Variants in SEPTIN9 observed in about 807,000 individuals in gnomAD.
The protein encoded by SEPTIN9 is septin 9.
In SEPTIN9, 13 loss-of-function variants were observed where a neutral mutation model predicts 56.6. The observed-to-expected ratio is 0.23, with a 90% CI of 0.15 to 0.37. SEPTIN9 has a LOEUF of 0.37. Among genes scored for constraint, SEPTIN9 ranks in the 10% least tolerant of loss-of-function variants. SEPTIN9 has a pLI of 1.00. For synonymous variants in SEPTIN9, 332 were observed against 334.1 expected (o/e 0.99, Z 0.07); for missense variants, 650 against 823.1 (o/e 0.79, Z 2.57).
In SEPTIN9 at chr17:77,436,524, C is replaced by T. The variant is rs1049461422; in HGVS notation, c.721+33821C>T. ...GGGGTATCCAGCAAGAGCTCCTTCCCATCCTCCCACTTCCTTTGCCATGGG... is the reference window on the plus strand; with the variant it reads ...GGGGTATCCAGCAAGAGCTCCTTCCTATCCTCCCACTTCCTTTGCCATGGG... On this transcript the variant is annotated intron_variant, in intron 3 of 11. Transcript: ENST00000427177. The surrounding 1 kb of genome is among the most constrained non-coding windows in gnomAD (Gnocchi z 4.4). 6.6e-6 allele frequency among the ~76,000 whole-genome samples: 1 copy of T among 152,238 alleles called. No homozygotes were observed. Among genetic ancestry groups the T allele is most frequent in the Non-Finnish European group, 1.5e-5 (1 of 68,042 alleles).
intron 2 of SEPTIN9, among the ~76,000 whole-genome samples, chr17:77,311,925 A>G (rs9910973): frequency 0.88 from 133,306 of 152,098 alleles, 58,488 homozygotes; most frequent in East Asian, 0.99. Flanking sequence ...ATAGCTACCC[A>G]CTCTTCCTCT....
chr17:77,496,891 C>T (rs1386427176), intron 10 of SEPTIN9, among the ~76,000 whole-genome samples: 1 of 152,226 alleles, frequency 6.6e-6, no homozygotes, highest in Non-Finnish European at 1.5e-5. Context: ...CTGCTTCATC[C>T]CATTCCCAGC....
At position 77,449,133 on chromosome 17, in the gene SEPTIN9, GTGGCCCA is replaced by G. The variant is rs2037871229; in HGVS notation, c.722-33008_722-33002del. Among the ~76,000 whole-genome samples the G allele has an allele frequency of 6.6e-6, 1 of 152,156 alleles. No individual in the cohort carries two copies. The highest frequency in any genetic ancestry group is 2.4e-5 in the African/African-American group (1 of 41,432). ...TGCTGGAAAATGTAAGGTTGCGTCT[GTGGCCCA>G]TGTGCCGTTTCTGCTGGAGGGTTGG... On this transcript the variant is annotated intron_variant, in intron 3 of 11. Coordinates refer to ENST00000427177, the MANE Select transcript of SEPTIN9 (RefSeq NM_001113491.2). The surrounding 1 kb of genome is among the most constrained non-coding windows in gnomAD (Gnocchi z 4.6).
chr17:77,412,132 A>C (rs1042295666), intron 3 of SEPTIN9, among the ~76,000 whole-genome samples: 7 of 135,236 alleles, frequency 5.2e-5, no homozygotes, highest in Non-Finnish European at 1.0e-4. Context: ...TCCCTATCAA[A>C]AAAAAAAAAA....
intron 2 of SEPTIN9, among the ~76,000 whole-genome samples, chr17:77,379,625 G>T (rs977852086): frequency 6.6e-6 from 1 of 152,070 alleles, no homozygotes; most frequent in Non-Finnish European, 1.5e-5. Flanking sequence ...TCACACTCAG[G>T]GATGAGTCTT....
chr17:77,497,197 T>TG, intron 10 of SEPTIN9, 118 bp from the exon 11 acceptor site: 1 of 1,017,426 alleles, frequency 9.8e-7, no homozygotes, highest in Admixed American at 2.0e-5. Context: ...CTCCTGCCCA[T>TG]GGGGCTGCCC....
intron 1 of SEPTIN9, among the ~76,000 whole-genome samples, chr17:77,305,623 C>G (rs1430878585): frequency 6.6e-6 from 1 of 151,868 alleles, no homozygotes; most frequent in Admixed American, 6.6e-5. Context: ...GGGGTTCCCT[C>G]CAGCACCAGA....
chr17:77,284,446 G>A (rs571915597), intron 1 of SEPTIN9, among the ~76,000 whole-genome samples: 35 of 152,328 alleles, frequency 2.3e-4, no homozygotes, highest in Middle Eastern at 3.4e-3. Flanking sequence ...GCCTTCCAAT[G>A]GGGTGGAGGT....
At chr17:77,427,739 A>G (rs1019688906) in intron 3 of SEPTIN9, among the ~76,000 whole-genome samples, 2 of 152,170 alleles carry the variant, frequency 1.3e-5, no homozygotes, top group Admixed American at 6.5e-5. Flanking sequence ...GTTCTGCCTC[A>G]GTCCTGGTCA....
chr17:77,386,180 A>G (rs901325206), intron 2 of SEPTIN9, among the ~76,000 whole-genome samples: 3 of 152,154 alleles, frequency 2.0e-5, no homozygotes, highest in Admixed American at 6.5e-5. Context: ...GATTTAATGA[A>G]GAGAAGAATG....
intron 1 of SEPTIN9, among the ~76,000 whole-genome samples, chr17:77,293,916 C>A (rs1473006725): frequency 6.6e-6 from 1 of 151,996 alleles, no homozygotes; most frequent in Non-Finnish European, 1.5e-5. Context: ...CCGGTCCGGG[C>A]AGCGTGGCGA....
chr17:77,492,456 C>A lies in SEPTIN9; in HGVS notation c.1381-165C>A, dbSNP rs1480612283. On this transcript the variant is annotated intron_variant, in intron 8 of 11. Coordinates refer to ENST00000427177, the MANE Select transcript of SEPTIN9 (RefSeq NM_001113491.2). The surrounding 1 kb of genome is among the most constrained non-coding windows in gnomAD (Gnocchi z 5.4). ...GCACCTGCAGCTGCCCCTCTTCCCT[C>A]CAGGAGGCACAGGAGTTGGAGGTGA... 6.6e-6 allele frequency among the ~76,000 whole-genome samples: 1 copy of A among 152,110 alleles called. No individual in the cohort carries two copies. The highest frequency in any genetic ancestry group is 2.4e-5 in the African/African-American group (1 of 41,422).
intron 2 of SEPTIN9, among the ~76,000 whole-genome samples, chr17:77,370,874 C>T (rs2034699955): frequency 1.3e-5 from 2 of 152,114 alleles, no homozygotes; most frequent in Admixed American, 1.3e-4. Context: ...GATCAAAGGA[C>T]AGCTCGGGAT....
At chr17:77,404,660 T>G (rs1302577679) in intron 3 of SEPTIN9, among the ~76,000 whole-genome samples, 1 of 152,120 alleles carries the variant, frequency 6.6e-6, no homozygotes, top group East Asian at 1.9e-4. Flanking sequence ...CTCCTCATGC[T>G]TTCATGGGCA....
chr17:77,482,817 G>A (rs907322472), intron 4 of SEPTIN9: 8 of 524,728 alleles, frequency 1.5e-5, no homozygotes, highest in African/African-American at 1.5e-4. Context: ...CCGGAGAGCT[G>A]GAGGTCACCA....
Position 77,489,966 on chromosome 17 carries a change from G to A in SEPTIN9, c.1263-776G>A, listed in dbSNP as rs1482218987. 3.3e-5 allele frequency among the ~76,000 whole-genome samples: 5 copies of A among 152,222 alleles called. No individual in the cohort carries two copies. In the East Asian group the frequency reaches 9.6e-4, roughly 29 times the overall value. On this transcript the variant is annotated intron_variant, in intron 7 of 11. Transcript: ENST00000427177. ...GAGGCAGAAGCCTCTCCTGATGCCA[G>A]CTGGGCAAGCCGAGGGCGGGCGGGC...
At chr17:77,420,373 C>T (rs1415500510) in intron 3 of SEPTIN9, among the ~76,000 whole-genome samples, 1 of 152,224 alleles carries the variant, frequency 6.6e-6, no homozygotes, top group African/African-American at 2.4e-5. Flanking sequence ...GCTGGTGGTT[C>T]TGCGAGGCCC....
rs3047410 is a variant in SEPTIN9 at position 77,413,087 on chromosome 17, C to CGTGTGTGT, written c.721+10412_721+10419dup. Among the ~76,000 whole-genome samples the CGTGTGTGT allele has an allele frequency of 1.3e-3, 193 of 144,026 alleles. 1 individual carries two copies. Among genetic ancestry groups the CGTGTGTGT allele is most frequent in the African/African-American group, 4.0e-3 (158 of 39,632 alleles). The allele number at this position is 144,026 out of a possible 152,430, so 94.5% of individuals were successfully genotyped here. On this transcript the variant is annotated intron_variant, in intron 3 of 11. Transcript: ENST00000427177. The stretch of plus-strand genomic sequence containing the variant: ...CGAGCTTGGTCTGGAGCGGGTGGGG[C>CGTGTGTGT]GTGTGTGTGTGTGTGTGTGTGTGTG...
rs1436876100 is a variant in SEPTIN9 at position 77,326,434 on chromosome 17, C to T, written c.76+19237C>T. Among the ~76,000 whole-genome samples the T allele has an allele frequency of 6.6e-6, 1 of 152,200 alleles. No individual in the cohort carries two copies. The highest frequency in any genetic ancestry group is 1.5e-5 in the Non-Finnish European group (1 of 68,034). ...GGTCAGGAGGGCTGCCTCGGGGGGACACCTTCGGGCTGAGCGCAGAAGGAT... is the reference window on the plus strand; with the variant it reads ...GGTCAGGAGGGCTGCCTCGGGGGGATACCTTCGGGCTGAGCGCAGAAGGAT... On this transcript the variant is annotated intron_variant, in intron 2 of 11. Transcript: ENST00000427177. The surrounding 1 kb of genome is among the most constrained non-coding windows in gnomAD (Gnocchi z 5.1).
Sources: gnomAD v4.1 joint callset for allele counts (sites outside exome capture counted in the v4.1 genomes callset) on GRCh38, gnomAD v4.1.1 for gene constraint, Gnocchi (gnomAD v3.1) non-coding constraint, MANE v1.5 for transcripts, NCBI Gene and HGNC (gene_info 2026-07-23, HGNC 2026-07-21) for gene names.